The following PLCG1 variants were observed in gnomAD, a reference collection of about 807,000 sequenced individuals.
The protein encoded by PLCG1 is phospholipase C gamma 1, also known as 1-phosphatidylinositol 4,5-bisphosphate phosphodiesterase gamma-1.
PLCG1 carries 71 observed loss-of-function variants against 177.8 expected under a neutral mutation model. The observed-to-expected ratio is 0.40, with a 90% CI of 0.33 to 0.49. PLCG1 has a LOEUF of 0.49. Ranked by LOEUF, PLCG1 falls within the 20% of genes least tolerant of loss-of-function variation. The probability of loss-of-function intolerance (pLI) is 0.72; values close to 1 mark genes in which losing one functional copy is unlikely to be tolerated. For missense variants in PLCG1, 1,281 were observed against 1,709.0 expected (o/e 0.75, Z 4.42); for synonymous variants, 658 against 647.9 (o/e 1.02, Z -0.24).
chr20:41,163,701 A>C lies in PLCG1; in HGVS notation c.892-14A>C. The C allele has an allele frequency of 6.5e-7, 1 of 1,548,482 alleles. No homozygotes were observed. Among genetic ancestry groups the C allele is most frequent in the Non-Finnish European group, 8.9e-7 (1 of 1,120,138 alleles). ...GGACTCACTGTCTCTTCCCTTCCAC[A>C]TGTTTCTGGACAGTTTGTCACCTTC... On this transcript the variant is annotated splice_polypyrimidine_tract_variant and intron_variant, in intron 9 of 31. Transcript: ENST00000685551. The surrounding 1 kb of genome is among the most constrained non-coding windows in gnomAD (Gnocchi z 5.2).
intron 1 of PLCG1, among the ~76,000 whole-genome samples, chr20:41,139,926 C>T (rs1214845066): frequency 7.2e-5 from 11 of 152,180 alleles, no homozygotes; most frequent in Admixed American, 7.2e-4. Flanking sequence ...AACAGTGTTT[C>T]TGTAGAGAAA....
chr20:41,174,917 G>A lies in PLCG1; in HGVS notation c.*408G>A, dbSNP rs1409020118. ...GAGGAGGAGGAGCCTTGCTGGGCCA[G>A]GGAAACAAAGTTTACATTGTCCTGT... is the stretch of plus-strand genomic sequence containing the variant. On this transcript the variant is annotated 3_prime_UTR_variant, in exon 32 of 32. Transcript: ENST00000685551. The surrounding 1 kb of genome is among the most constrained non-coding windows in gnomAD (Gnocchi z 5.8). The A allele has an allele frequency of 4.9e-6, 1 of 203,302 alleles. No individual in the cohort carries two copies. Among genetic ancestry groups the A allele is most frequent in the African/African-American group, 2.3e-5 (1 of 42,818 alleles). 12.6% of individuals were successfully genotyped at this position (203,302 alleles called of 1,614,324 possible).
rs746522299 is a variant in PLCG1 at position 41,172,528 on chromosome 20, C to T, written c.3013C>T (p.Arg1005Ter). 2 of 1,614,106 alleles carry T rather than the reference C, an allele frequency of 1.2e-6. No homozygotes were observed. The highest frequency in any genetic ancestry group is 1.1e-5 in the South Asian group (1 of 91,076). ...AKGKKFLQYN[R>*]LQLSRIYPKG... ...AGGCAAGAAGTTCCTTCAGTACAAT[C>T]GACTGCAGCTCTCCCGCATCTACCC... Residue 1005 changes from arginine (R) to a stop codon, truncating the protein, a stop_gained, in exon 26 of 32, where the codon CGA becomes TGA. Transcript: ENST00000685551. LOFTEE classifies it high-confidence loss of function. The surrounding 1 kb of genome is among the most constrained non-coding windows in gnomAD (Gnocchi z 7.0).
At position 41,165,257 on chromosome 20, in the gene PLCG1, G is replaced by T. The variant is rs1487554177; in HGVS notation, c.1399G>T (p.Ala467Ser). 1 of 1,614,106 alleles carries T rather than the reference G, an allele frequency of 6.2e-7. No individual in the cohort carries two copies. Among genetic ancestry groups the T allele is most frequent in the Non-Finnish European group, 8.5e-7 (1 of 1,180,020 alleles). The change falls in exon 14 of 32, where the codon GCT (alanine) becomes TCT (serine). Residue 467 changes from alanine to serine, a missense_variant. This residue lies in a region of PLCG1 where 723 missense variants were observed against 1,030.0 expected (regional missense o/e 0.70). Coordinates refer to ENST00000685551, the MANE Select transcript of PLCG1 (RefSeq NM_002660.3). The surrounding 1 kb of genome is among the most constrained non-coding windows in gnomAD (Gnocchi z 6.6). ...RKILIKHKKL[A>S]EGSAYEEVPT... is the part of the protein sequence containing the mutation. ...GTTGCCCCTACAGCACAAGAAGCTG[G>T]CTGAGGGCAGTGCCTACGAGGAGGT...
At position 41,173,293 on chromosome 20, in the gene PLCG1, G is replaced by A; in HGVS notation, c.3280-127G>A. ...CCCTGATGTCGTGAGGGACTCCATG[G>A]GCAGTGTCCCGGGGGCCCAGCAGAG... On this transcript the variant is annotated intron_variant, in intron 27 of 31. Transcript: ENST00000685551. The surrounding 1 kb of genome is among the most constrained non-coding windows in gnomAD (Gnocchi z 6.2). The A allele has an allele frequency of 1.1e-6, 1 of 916,442 alleles. No individual in the cohort carries two copies. The highest frequency in any genetic ancestry group is 1.6e-6 in the Non-Finnish European group (1 of 614,916). The allele number at this position is 916,442 out of a possible 1,614,324, so 56.8% of individuals were successfully genotyped here.
intron 1 of PLCG1, among the ~76,000 whole-genome samples, chr20:41,140,889 G>T (rs552755544): frequency 6.6e-6 from 1 of 152,230 alleles, no homozygotes; most frequent in African/African-American, 2.4e-5. Flanking sequence ...TGTTGTGTCA[G>T]TGTGTGCCAG....
intron 1 of PLCG1, among the ~76,000 whole-genome samples, chr20:41,152,455 C>T (rs2035195109): frequency 6.6e-6 from 1 of 152,250 alleles, no homozygotes; most frequent in Non-Finnish European, 1.5e-5. Flanking sequence ...TTTTTCTGTT[C>T]CCGTTGTTAC....
In PLCG1 at chr20:41,173,430, C is replaced by T; in HGVS notation, c.3290C>T (p.Ala1097Val). 2 of 1,600,708 alleles carry T rather than the reference C, an allele frequency of 1.2e-6. No homozygotes were observed. The highest frequency in any genetic ancestry group is 1.7e-6 in the Non-Finnish European group (2 of 1,172,670). ...TTTGTCTGCCTACAGGTGCTGGGGG[C>T]CCGACATCTGCCAAAGAATGGCCGA... is the stretch of plus-strand genomic sequence containing the variant. ...PCAISIEVLG[A>V]RHLPKNGRGI... The change falls in exon 28 of 32, where the codon GCC (alanine) becomes GTC (valine). Residue 1097 changes from alanine (A) to valine (V), a missense_variant. By Grantham distance (64) the Ala-to-Val change is moderately conservative. Coordinates refer to ENST00000685551, the MANE Select transcript of PLCG1 (RefSeq NM_002660.3). The surrounding 1 kb of genome is among the most constrained non-coding windows in gnomAD (Gnocchi z 6.2).
At position 41,156,354 on chromosome 20, in the gene PLCG1, G is replaced by A. The variant is rs1379000152; in HGVS notation, c.218-3252G>A. ...ACATGGTGCCATTCCTGAAGCCTGG[G>A]CAGCCATCACCATGGGCCTGGGGAC... On this transcript the variant is annotated intron_variant, in intron 1 of 31. Coordinates refer to ENST00000685551, the MANE Select transcript of PLCG1 (RefSeq NM_002660.3). The surrounding 1 kb of genome is among the most constrained non-coding windows in gnomAD (Gnocchi z 5.0). 6.6e-6 allele frequency among the ~76,000 whole-genome samples: 1 copy of A among 152,168 alleles called. No homozygotes were observed. Among genetic ancestry groups the A allele is most frequent in the Non-Finnish European group, 1.5e-5 (1 of 68,030 alleles).
At chr20:41,149,541 T>C (rs2035099951) in intron 1 of PLCG1, among the ~76,000 whole-genome samples, 3 of 152,154 alleles carry the variant, frequency 2.0e-5, no homozygotes, top group African/African-American at 7.2e-5. Context: ...GGAGTTGTCT[T>C]TGAGACGTTT....
At position 41,165,978 on chromosome 20, in the gene PLCG1, A is replaced by G. The variant is rs976595131; in HGVS notation, c.1799+152A>G. On this transcript the variant is annotated intron_variant, in intron 16 of 31. Coordinates refer to ENST00000685551, the MANE Select transcript of PLCG1 (RefSeq NM_002660.3). This position sits in a 1 kb window ranked among gnomAD's most constrained non-coding sequence, Gnocchi z 6.6. ...TAATTTCACCTACATACACACACACACTCTCTGTCTCACCCCCCCCCCATA... is the reference window on the plus strand; with the variant it reads ...TAATTTCACCTACATACACACACACGCTCTCTGTCTCACCCCCCCCCCATA... 11 of 682,620 alleles carry G rather than the reference A, an allele frequency of 1.6e-5. No homozygotes were observed. Among genetic ancestry groups the G allele is most frequent in the African/African-American group, 1.1e-4 (6 of 52,922 alleles). The allele number at this position is 682,620 out of a possible 1,614,324, so 42.3% of individuals were successfully genotyped here.
At chr20:41,142,536 CCTT>C (rs1452300226) in intron 1 of PLCG1, among the ~76,000 whole-genome samples, 3 of 152,228 alleles carry the variant, frequency 2.0e-5, no homozygotes, top group South Asian at 2.1e-4. Flanking sequence ...CCAGACAAGA[CCTT>C]CTTGCTGAGG....
chr20:41,169,844 G>T lies in PLCG1; in HGVS notation c.2651-268G>T, dbSNP rs369578449. On this transcript the variant is annotated intron_variant, in intron 23 of 31. Coordinates refer to ENST00000685551, the MANE Select transcript of PLCG1 (RefSeq NM_002660.3). The stretch of plus-strand genomic sequence containing the variant: ...AGGGATGTGACAGAGGCTTGGAGAT[G>T]GGGTGGAGAGGGAGACACGGCCTGA... Among the ~76,000 whole-genome samples, 57 of 152,322 alleles carry T rather than the reference G, an allele frequency of 3.7e-4. 2 individuals are homozygous for T. The South Asian group carries it at 0.012, about 32-fold the overall frequency.
chr20:41,143,570 C>T (rs192090081), intron 1 of PLCG1, among the ~76,000 whole-genome samples: 2 of 152,152 alleles, frequency 1.3e-5, no homozygotes, highest in African/African-American at 4.8e-5. Flanking sequence ...CTGAGAGCAG[C>T]ATGTTTACAG....
In PLCG1 at chr20:41,164,244, G is replaced by C. The variant is rs772411307; in HGVS notation, c.1217+43G>C. Reference sequence around the variant, plus strand: ...TGACCCAGGGGTTAACTTGGCTCCAGGTCTCTCGTTCTAGAGGGACAGAGG... The same window carrying C: ...TGACCCAGGGGTTAACTTGGCTCCACGTCTCTCGTTCTAGAGGGACAGAGG... On this transcript the variant is annotated intron_variant, in intron 12 of 31. Coordinates refer to ENST00000685551, the MANE Select transcript of PLCG1 (RefSeq NM_002660.3). The surrounding 1 kb of genome is among the most constrained non-coding windows in gnomAD (Gnocchi z 6.4). 3 of 1,608,702 alleles carry C rather than the reference G, an allele frequency of 1.9e-6. No individual in the cohort carries two copies. The East Asian group carries it at 6.7e-5, about 36-fold the overall frequency.
intron 6 of PLCG1, 55 bp downstream of exon 6, chr20:41,162,780 C>T (rs2146037953): frequency 2.0e-6 from 3 of 1,469,792 alleles, no homozygotes; most frequent in South Asian, 1.2e-5. Context: ...CCACCCCACA[C>T]CCCAGCTCTG....
chr20:41,162,853 T>G (rs36116434), intron 6 of PLCG1, 105 bp from the exon 7 acceptor site: 19,312 of 1,338,544 alleles, frequency 0.014, 181 homozygotes, highest in Non-Finnish European at 0.016. Context: ...GTTCTTCTCC[T>G]CTTGAGGCCT....
At position 41,172,553 on chromosome 20, in the gene PLCG1, C is replaced by T; in HGVS notation, c.3038C>T (p.Pro1013Leu). The change falls in exon 26 of 32, where the codon CCC (proline) becomes CTC (leucine). Residue 1013 changes from proline (P) to leucine (L), a missense_variant. Transcript: ENST00000685551. The surrounding 1 kb of genome is among the most constrained non-coding windows in gnomAD (Gnocchi z 7.0). ...CGACTGCAGCTCTCCCGCATCTACC[C>T]CAAGGGCCAGCGACTGGATTCCTCC... ...YNRLQLSRIY[P>L]KGQRLDSSNY... 1 of 1,614,226 alleles carries T rather than the reference C, an allele frequency of 6.2e-7. No individual in the cohort carries two copies. The highest frequency in any genetic ancestry group is 8.5e-7 in the Non-Finnish European group (1 of 1,180,032).
Position 41,163,613 on chromosome 20 carries a change from C to T in PLCG1, c.892-102C>T. 1.9e-6 allele frequency: 2 copies of T among 1,067,874 alleles called. No homozygotes were observed. Among genetic ancestry groups the T allele is most frequent in the Non-Finnish European group, 2.9e-6 (2 of 690,356 alleles). The allele number at this position is 1,067,874 out of a possible 1,614,324, so 66.1% of individuals were successfully genotyped here. ...TACCTACTGTGCACCTTGCCCACCC[C>T]CAGTTGGGACAGAGCACTCTCTCTC... On this transcript the variant is annotated intron_variant, in intron 9 of 31. Transcript: ENST00000685551. This position sits in a 1 kb window ranked among gnomAD's most constrained non-coding sequence, Gnocchi z 5.2.
Sources: allele counts gnomAD v4.1 joint callset (sites outside exome capture counted in the v4.1 genomes callset), GRCh38; gene constraint gnomAD v4.1.1; regional missense constraint gnomAD v4.1.1; non-coding constraint Gnocchi (gnomAD v3.1); transcripts MANE v1.5; gene names NCBI Gene and HGNC (gene_info 2026-07-23, HGNC 2026-07-21).